Variants in NAV3 observed in about 807,000 individuals in gnomAD.
NAV3 encodes neuron navigator 3, also known as pore membrane and/or filament interacting like protein 1.
In NAV3, 87 loss-of-function variants were observed where a neutral mutation model predicts 244.7. That is an observed-to-expected ratio of 0.36 (90% CI 0.30 to 0.42). The LOEUF (loss-of-function observed/expected upper bound fraction) is 0.42. Among genes scored for constraint, NAV3 ranks in the 20% least tolerant of loss-of-function variants. The probability of loss-of-function intolerance (pLI) is 1.00; values close to 1 mark genes in which losing one functional copy is unlikely to be tolerated. For synonymous variants in NAV3, 1,126 were observed against 1,042.2 expected (o/e 1.08, Z -1.55); for missense variants, 2,663 against 2,893.3 (o/e 0.92, Z 1.83).
intron 13 of NAV3, 86 bp from the exon 14 acceptor site, chr12:78,117,941 G>A: frequency 7.9e-7 from 1 of 1,271,292 alleles, no homozygotes. Context: ...GATTTATCCA[G>A]TTATCTGAAA....
chr12:77,603,319 C>G (rs1278358083), intron 2 of NAV3, among the ~76,000 whole-genome samples: 1 of 152,064 alleles, frequency 6.6e-6, no homozygotes, highest in Non-Finnish European at 1.5e-5. Flanking sequence ...CATGAATGAA[C>G]TCTTTGGTGA....
At chr12:77,644,733 G>A (rs1422210960) in intron 2 of NAV3, among the ~76,000 whole-genome samples, 1 of 152,006 alleles carries the variant, frequency 6.6e-6, no homozygotes, top group Non-Finnish European at 1.5e-5. Context: ...GGTAATCATT[G>A]TTTAAAGCCA....
At chr12:77,833,334 T>A (rs970554124) in intron 1 of NAV3, among the ~76,000 whole-genome samples, 15 of 152,158 alleles carry the variant, frequency 9.9e-5, no homozygotes, top group African/African-American at 3.6e-4. Context: ...AATTAATGAA[T>A]CAATGAATGA....
chr12:77,798,749 G>A (rs1409859856), intron 2 of NAV3, among the ~76,000 whole-genome samples: 1 of 152,082 alleles, frequency 6.6e-6, no homozygotes, highest in African/African-American at 2.4e-5. Flanking sequence ...AATTCACATA[G>A]GATTAGGCTT....
At chr12:77,601,615 A>G (rs1016560064) in intron 2 of NAV3, among the ~76,000 whole-genome samples, 4 of 151,962 alleles carry the variant, frequency 2.6e-5, no homozygotes, top group African/African-American at 9.7e-5. Flanking sequence ...AAGGATTTCA[A>G]ACATGTACCT....
intron 3 of NAV3, among the ~76,000 whole-genome samples, chr12:77,961,655 TTA>T (rs983076326): frequency 6.9e-6 from 1 of 145,410 alleles, no homozygotes; most frequent in African/African-American, 2.5e-5. Context: ...TATTATTACA[TTA>T]TATATATTAC....
intron 3 of NAV3, among the ~76,000 whole-genome samples, chr12:77,962,857 A>G (rs1228168139): frequency 2.6e-5 from 4 of 152,052 alleles, no homozygotes; most frequent in Non-Finnish European, 5.9e-5. Flanking sequence ...TGAAACTTTG[A>G]CTCCATTATA....
At chr12:77,607,869 T>A (rs1870741190) in intron 2 of NAV3, among the ~76,000 whole-genome samples, 1 of 152,094 alleles carries the variant, frequency 6.6e-6, no homozygotes, top group Admixed American at 6.6e-5. Context: ...GCCCCAGCAT[T>A]TTGTAAAGTT....
chr12:78,182,536 G>C (rs1958541301), intron 30 of NAV3, among the ~76,000 whole-genome samples: 1 of 151,830 alleles, frequency 6.6e-6, no homozygotes, highest in African/African-American at 2.4e-5. Flanking sequence ...ACTGAAGGTG[G>C]TTTAGAAAAA....
intron 19 of NAV3, among the ~76,000 whole-genome samples, chr12:78,139,251 A>G (rs58721767): frequency 1.8e-4 from 28 of 152,120 alleles, no homozygotes; most frequent in African/African-American, 6.7e-4. Context: ...GTATCCTTCA[A>G]TTCCATCCCC....
At chr12:78,074,291 G>T (rs533870339) in intron 12 of NAV3, among the ~76,000 whole-genome samples, 8 of 152,182 alleles carry the variant, frequency 5.3e-5, no homozygotes, top group South Asian at 2.1e-4. Flanking sequence ...AAATAATATC[G>T]CAGATTATAA....
intron 2 of NAV3, among the ~76,000 whole-genome samples, chr12:77,740,804 C>A (rs988908945): frequency 1.3e-5 from 2 of 151,920 alleles, no homozygotes; most frequent in Non-Finnish European, 2.9e-5. Context: ...TATGAGAAGG[C>A]AGAAGTAGAA....
chr12:77,957,914 C>A lies in NAV3; in HGVS notation c.415-8315C>A, dbSNP rs147154340. 4.7e-3 allele frequency among the ~76,000 whole-genome samples: 713 copies of A among 152,272 alleles called. 6 individuals are homozygous for A. Among genetic ancestry groups the A allele is most frequent in the African/African-American group, 0.015 (624 of 41,554 alleles). On this transcript the variant is annotated intron_variant, in intron 3 of 39. Coordinates refer to ENST00000397909, the MANE Select transcript of NAV3 (RefSeq NM_001024383.2). Reference sequence around the variant, plus strand: ...CTCCTTACCTCAGGTTGTCTGCCCGCCTTGGCCTCCCTAAGTGCTGGGATT... The same window carrying A: ...CTCCTTACCTCAGGTTGTCTGCCCGACTTGGCCTCCCTAAGTGCTGGGATT...
intron 1 of NAV3, among the ~76,000 whole-genome samples, chr12:77,860,898 G>A (rs1879163021): frequency 6.6e-6 from 1 of 151,872 alleles, no homozygotes; most frequent in Admixed American, 6.6e-5. Context: ...CCTTCATAGA[G>A]TGGGCAGACT....
At chr12:77,790,970 C>T (rs1871151081) in intron 2 of NAV3, among the ~76,000 whole-genome samples, 1 of 152,138 alleles carries the variant, frequency 6.6e-6, no homozygotes, top group South Asian at 2.1e-4. Context: ...TAGTGTTTTC[C>T]CTCAAAGGAG....
chr12:77,691,335 G>GTATATATA (rs1455098694), intron 2 of NAV3, among the ~76,000 whole-genome samples: 9 of 103,458 alleles, frequency 8.7e-5, no homozygotes, highest in African/African-American at 2.8e-4. Flanking sequence ...TTGTGTATGT[G>GTATATATA]TGTATATATA....
chr12:77,619,767 G>A (rs756161536), intron 2 of NAV3, among the ~76,000 whole-genome samples: 10 of 148,582 alleles, frequency 6.7e-5, no homozygotes, highest in African/African-American at 9.9e-5. Context: ...TGTGTCTCAC[G>A]TTTTTTTTTT....
At chr12:77,932,293 T>A (rs1013878668) in intron 1 of NAV3, among the ~76,000 whole-genome samples, 3 of 152,160 alleles carry the variant, frequency 2.0e-5, no homozygotes, top group Non-Finnish European at 4.4e-5. Context: ...GGAGAATGGA[T>A]AGGCCGGCAA....
In NAV3 at chr12:77,641,589, G is replaced by T. The variant is rs1872413181; in HGVS notation, c.72+69323G>T. 2.6e-5 allele frequency among the ~76,000 whole-genome samples: 4 copies of T among 152,042 alleles called. 1 individual carries two copies. In the South Asian group the frequency reaches 8.3e-4, roughly 31 times the overall value. The stretch of plus-strand genomic sequence containing the variant: ...GGGAGCCAACTAAAAACATTATGAA[G>T]AAAATTATATCCCAGTTCTTCTTTA... On this transcript the variant is annotated intron_variant, in intron 2 of 8. Coordinates refer to the NAV3 transcript ENST00000550042.
Sources: allele counts gnomAD v4.1 joint callset (sites outside exome capture counted in the v4.1 genomes callset), GRCh38; gene constraint gnomAD v4.1.1; transcripts MANE v1.5; gene names NCBI Gene and HGNC (gene_info 2026-07-23, HGNC 2026-07-21).